STK3: variants seen among roughly 807,000 people sequenced by gnomAD.
The protein encoded by STK3 is serine/threonine kinase 3.
A neutral mutation model predicts 58.0 loss-of-function variants in STK3; 41 were observed. The ratio of observed to expected loss-of-function variants is 0.71; its 90% CI spans 0.55 to 0.92. STK3 has a LOEUF of 0.92. Ranked by LOEUF, STK3 falls within the 40% of genes least tolerant of loss-of-function variation. STK3 has a pLI of 0.00. For missense variants in STK3, 479 were observed against 602.7 expected (o/e 0.79, Z 2.15); for synonymous variants, 170 against 191.0 (o/e 0.89, Z 0.91).
chr8:98,499,766 G>A (rs1823426079), intron 10 of STK3, among the ~76,000 whole-genome samples: 1 of 152,224 alleles, frequency 6.6e-6, no homozygotes, highest in South Asian at 2.1e-4. Context: ...CTTAGCTGAT[G>A]TGTGTCCTAC....
At chr8:98,473,148 A>G (rs190179695) in intron 10 of STK3, among the ~76,000 whole-genome samples, 144 of 152,280 alleles carry the variant, frequency 9.5e-4, no homozygotes, top group Non-Finnish European at 1.9e-3. Flanking sequence ...TTTAAAAGAA[A>G]ACATCTTGTG....
chr8:98,429,062 C>T, intron 3 of STK3: 31 of 1,613,248 alleles, frequency 1.9e-5, no homozygotes, highest in Non-Finnish European at 2.6e-5. Flanking sequence ...TGGCCACCAT[C>T]CCTGCCTGCT....
chr8:98,715,777 A>G (rs1826960769), intron 4 of STK3, among the ~76,000 whole-genome samples: 1 of 152,236 alleles, frequency 6.6e-6, no homozygotes, highest in Admixed American at 6.5e-5. Context: ...CCATCCCATT[A>G]CTGGGTATAT....
intron 1 of STK3, among the ~76,000 whole-genome samples, chr8:98,801,621 G>C (rs1833553906): frequency 6.6e-6 from 1 of 151,992 alleles, no homozygotes; most frequent in South Asian, 2.1e-4. Context: ...AAGCCAGCAA[G>C]ACCACGAACC....
intron 10 of STK3, among the ~76,000 whole-genome samples, chr8:98,461,963 CTTTTT>C (rs59935847): frequency 1.3e-5 from 2 of 149,682 alleles, no homozygotes; most frequent in African/African-American, 4.9e-5. Context: ...AATTAAAACA[CTTTTT>C]TTTTTTGTGG....
rs547114543 is a variant in STK3 at position 98,825,547 on chromosome 8, C to T, written c.-7G>A. ...GCGCCGGCGGCTGCTCCATGGCGGC[C>T]GGGGACAGAGAGAGGGACCTGGTGG... On this transcript the variant is annotated 5_prime_UTR_variant, in exon 1 of 11. Coordinates refer to ENST00000419617, the MANE Select transcript of STK3 (RefSeq NM_006281.4). 17 of 1,456,606 alleles carry T rather than the reference C, an allele frequency of 1.2e-5. 1 individual carries two copies. In the South Asian group the frequency reaches 2.1e-4, roughly 18 times the overall value. 90.2% of individuals were successfully genotyped at this position (1,456,606 alleles called of 1,614,324 possible).
At chr8:98,503,394 T>C (rs1467008498) in intron 10 of STK3, among the ~76,000 whole-genome samples, 2 of 152,216 alleles carry the variant, frequency 1.3e-5, no homozygotes, top group African/African-American at 4.8e-5. Context: ...TTTGTGTCTC[T>C]ATCTCCTTCA....
intron 1 of STK3, among the ~76,000 whole-genome samples, chr8:98,444,253 C>T (rs565966462): frequency 6.6e-6 from 1 of 152,260 alleles, no homozygotes; most frequent in African/African-American, 2.4e-5. Context: ...GACTTGGTTG[C>T]CTCAATTTCA....
At chr8:98,641,451 C>T (rs1409510322) in intron 6 of STK3, among the ~76,000 whole-genome samples, 1 of 152,138 alleles carries the variant, frequency 6.6e-6, no homozygotes, top group Non-Finnish European at 1.5e-5. Flanking sequence ...AGACTTTTAT[C>T]TTTGGCATAC....
intron 1 of STK3, among the ~76,000 whole-genome samples, chr8:98,913,179 C>G (rs1470320360): frequency 3.3e-5 from 5 of 150,126 alleles, no homozygotes; most frequent in Non-Finnish European, 7.4e-5. Flanking sequence ...TTTTGAAAAA[C>G]AAATAAGAGC....
At chr8:98,621,208 G>A (rs530221480) in intron 6 of STK3, among the ~76,000 whole-genome samples, 1 of 152,290 alleles carries the variant, frequency 6.6e-6, no homozygotes, top group African/African-American at 2.4e-5. Flanking sequence ...CCAAAGTGCT[G>A]GGATTACAGG....
rs143708095 is a variant in STK3 at position 98,677,578 on chromosome 8, C to T, written c.684+28889G>A. Among the ~76,000 whole-genome samples the T allele has an allele frequency of 8.1e-4, 123 of 151,896 alleles. 1 individual carries two copies. Among genetic ancestry groups the T allele is most frequent in the Non-Finnish European group, 1.3e-3 (85 of 67,964 alleles). Reference sequence around the variant, plus strand: ...GAAGGAAGAAGGAAGGAGAAGGAGACGGAGATGGAGATGGAGACAGAGAAG... The same window carrying T: ...GAAGGAAGAAGGAAGGAGAAGGAGATGGAGATGGAGATGGAGACAGAGAAG... On this transcript the variant is annotated intron_variant, in intron 6 of 10. Coordinates refer to ENST00000419617, the MANE Select transcript of STK3 (RefSeq NM_006281.4).
chr8:98,473,320 T>G (rs1461789039), intron 10 of STK3, among the ~76,000 whole-genome samples: 3 of 152,192 alleles, frequency 2.0e-5, no homozygotes, highest in Non-Finnish European at 4.4e-5. Flanking sequence ...CAGAAACCTA[T>G]CTACACAGTT....
At chr8:98,644,436 G>C (rs772429598) in intron 6 of STK3, among the ~76,000 whole-genome samples, 2 of 152,060 alleles carry the variant, frequency 1.3e-5, no homozygotes, top group African/African-American at 2.4e-5. Flanking sequence ...TGTATTGAAT[G>C]CATTTGTTTA....
At chr8:98,662,855 G>A (rs1202202331) in intron 6 of STK3, among the ~76,000 whole-genome samples, 1 of 151,748 alleles carries the variant, frequency 6.6e-6, no homozygotes, top group Non-Finnish European at 1.5e-5. Context: ...GCCCCGGTGT[G>A]TGATGTTCCC....
intron 1 of STK3, among the ~76,000 whole-genome samples, chr8:98,809,702 A>G (rs754866776): frequency 2.6e-4 from 40 of 152,110 alleles, no homozygotes; most frequent in Non-Finnish European, 4.0e-4. Flanking sequence ...ATTCCATTGT[A>G]TATATATATA....
intron 3 of STK3, among the ~76,000 whole-genome samples, chr8:98,835,825 C>T (rs1000003045): frequency 3.3e-5 from 5 of 152,146 alleles, no homozygotes; most frequent in African/African-American, 1.2e-4. Flanking sequence ...TAGCTCAGCC[C>T]CAGGGAGGAG....
intron 1 of STK3, among the ~76,000 whole-genome samples, chr8:98,927,045 T>G (rs1467092732): frequency 1.3e-5 from 2 of 152,170 alleles, no homozygotes; most frequent in East Asian, 3.8e-4. Context: ...CCAGGAGTTC[T>G]AGGCAGGATA....
chr8:98,364,713 T>C, the STK3 span, among the ~76,000 whole-genome samples: 1 of 152,140 alleles, frequency 6.6e-6, no homozygotes, highest in Non-Finnish European at 1.5e-5. Flanking sequence ...AGAGAGGAGG[T>C]TGGGGATGCG....
Sources: gnomAD v4.1 joint callset for allele counts (sites outside exome capture counted in the v4.1 genomes callset) on GRCh38, gnomAD v4.1.1 for gene constraint, MANE v1.5 for transcripts, NCBI Gene and HGNC (gene_info 2026-07-23, HGNC 2026-07-21) for gene names.